The following FAM117A variants were observed in gnomAD, a reference collection of about 807,000 sequenced individuals.
FAM117A encodes family with sequence similarity 117 member A, also known as protein FAM117A.
Under a neutral mutation model 44.1 loss-of-function variants are expected in FAM117A, and 21 were observed. That is an observed-to-expected ratio of 0.48 (90% CI 0.34 to 0.69). The LOEUF (loss-of-function observed/expected upper bound fraction) is 0.69. Among genes scored for constraint, FAM117A ranks in the 30% least tolerant of loss-of-function variants. FAM117A has a pLI of 0.01. For synonymous variants in FAM117A, 220 were observed against 238.3 expected, an observed-to-expected ratio of 0.92 and a Z score of 0.71; for missense variants, 498 against 589.9, an observed-to-expected ratio of 0.84 and a Z score of 1.61.
At chr17:49,728,910 A>G (rs926527270) in intron 2 of FAM117A, among the ~76,000 whole-genome samples, 3 of 152,218 alleles carry the variant, frequency 2.0e-5, no homozygotes, top group African/African-American at 7.2e-5. Context: ...ATCACAAATA[A>G]CATATATCCG....
At chr17:49,756,173 CTTTT>C (rs886378496) in intron 1 of FAM117A, among the ~76,000 whole-genome samples, 2 of 151,528 alleles carry the variant, frequency 1.3e-5, no homozygotes, top group African/African-American at 4.8e-5. Context: ...TATATTGACA[CTTTT>C]TTTTTAAAGC....
At chr17:49,716,025 G>T in intron 7 of FAM117A, 140 bp downstream of exon 7, 1 of 902,330 alleles carries the variant, frequency 1.1e-6, no homozygotes, top group Non-Finnish European at 1.7e-6. Flanking sequence ...ATGTCAACAC[G>T]TTTGATCATG....
rs554532083 is a variant in FAM117A, at chr17:49,727,807, C to CTTGGCACCTG, written c.366+4743_366+4744insCAGGTGCCAA. 3.6e-4 allele frequency among the ~76,000 whole-genome samples: 55 copies of CTTGGCACCTG among 152,344 alleles called. No individual in the cohort carries two copies. In the Middle Eastern group the frequency reaches 0.017, roughly 47 times the overall value. ...GGAAAGTCCTGGCCCTCACTGTCTCCAGTGACCTTGGCACCTGAGTAAGCT... is the reference window on the plus strand; with the variant it reads ...GGAAAGTCCTGGCCCTCACTGTCTCCTTGGCACCTGAGTGACCTTGGCACCTGAGTAAGCT... On this transcript the variant is annotated intron_variant, in intron 2 of 7. Transcript: ENST00000240364.
chr17:49,779,971 C>T (rs1455504282), intron 1 of FAM117A, among the ~76,000 whole-genome samples: 1 of 152,218 alleles, frequency 6.6e-6, no homozygotes, highest in Admixed American at 6.5e-5. Flanking sequence ...TCGTTCTTAA[C>T]TTCTGAGATT....
chr17:49,761,066 G>C (rs1351066263), intron 1 of FAM117A, among the ~76,000 whole-genome samples: 1 of 152,118 alleles, frequency 6.6e-6, no homozygotes, highest in African/African-American at 2.4e-5. Flanking sequence ...CCCTTTTCAC[G>C]AGGTCTAATA....
rs118147445 is a variant in FAM117A at position 49,748,650 on chromosome 17, T to C, written c.196+15242A>G. On this transcript the variant is annotated intron_variant, in intron 1 of 7. Coordinates refer to ENST00000240364, the MANE Select transcript of FAM117A (RefSeq NM_030802.4). ...AAATATTTTGATGACAACTTAACCA[T>C]GGTCAGGATTAATTAAGTCTAAGGT... is the stretch of plus-strand genomic sequence containing the variant. 1.8e-4 allele frequency among the ~76,000 whole-genome samples: 28 copies of C among 152,242 alleles called. No homozygotes were observed. The East Asian group carries it at 5.0e-3, about 27-fold the overall frequency.
At position 49,730,952 on chromosome 17, in the gene FAM117A, GCTGT is replaced by G; in HGVS notation, c.366+1595_366+1598del. 4.6e-5 allele frequency among the ~76,000 whole-genome samples: 7 copies of G among 152,202 alleles called. No individual in the cohort carries two copies. In the South Asian group the frequency reaches 1.5e-3, roughly 32 times the overall value. On this transcript the variant is annotated intron_variant, in intron 2 of 7. Transcript: ENST00000240364. ...ATATTTGGCTCCATCTCATCCCTTG[GCTGT>G]CTGTTTACTGGCCCTCATAGAACTG...
chr17:49,777,504 C>A (rs2073778481), intron 1 of FAM117A, among the ~76,000 whole-genome samples: 1 of 152,110 alleles, frequency 6.6e-6, no homozygotes, highest in South Asian at 2.1e-4. Context: ...AATCCTCAAC[C>A]TTTTCTTTAA....
chr17:49,754,365 C>T (rs1038847138), intron 1 of FAM117A, among the ~76,000 whole-genome samples: 10 of 151,444 alleles, frequency 6.6e-5, no homozygotes, highest in African/African-American at 2.2e-4. Context: ...AGTGTAGTGG[C>T]GCCATCTCGG....
At chr17:49,718,010 C>T (rs1310124376) in intron 5 of FAM117A, 2 of 227,822 alleles carry the variant, frequency 8.8e-6, no homozygotes, top group Admixed American at 5.4e-5. Flanking sequence ...AGACTATAAG[C>T]CTCATGAGGG....
upstream of FAM117A, among the ~76,000 whole-genome samples, chr17:49,768,303 T>C (rs1480824487): frequency 6.6e-6 from 1 of 152,140 alleles, no homozygotes; most frequent in African/African-American, 2.4e-5. Flanking sequence ...CCAGGGCACC[T>C]TGAATTCCAC....
At position 49,762,263 on chromosome 17, in the gene FAM117A, C is replaced by T. The variant is rs558101806; in HGVS notation, c.196+1629G>A. Among the ~76,000 whole-genome samples, 7 of 152,286 alleles carry T rather than the reference C, an allele frequency of 4.6e-5. No individual in the cohort carries two copies. In the South Asian group the frequency reaches 6.2e-4, roughly 14 times the overall value. On this transcript the variant is annotated intron_variant, in intron 1 of 7. Coordinates refer to ENST00000240364, the MANE Select transcript of FAM117A (RefSeq NM_030802.4). Reference sequence around the variant, plus strand: ...TTTCCACTAAAAGTGACTAAGGTTCCGGTTCTTGTTCTACCAACTTCCCGG... The same window carrying T: ...TTTCCACTAAAAGTGACTAAGGTTCTGGTTCTTGTTCTACCAACTTCCCGG...
At chr17:49,780,238 A>G (rs1260849667) in intron 1 of FAM117A, among the ~76,000 whole-genome samples, 1 of 152,186 alleles carries the variant, frequency 6.6e-6, no homozygotes, top group Admixed American at 6.5e-5. Flanking sequence ...CAACAAATAA[A>G]AAGACCCACA....
chr17:49,714,394 G>T (rs920981627), intron 7 of FAM117A, among the ~76,000 whole-genome samples: 1 of 149,444 alleles, frequency 6.7e-6, no homozygotes, highest in African/African-American at 2.5e-5. Context: ...CTGAAGTGTA[G>T]TGGTGCGATC....
At chr17:49,745,854 T>A (rs1444628142) in intron 1 of FAM117A, among the ~76,000 whole-genome samples, 1 of 152,198 alleles carries the variant, frequency 6.6e-6, no homozygotes, top group African/African-American at 2.4e-5. Context: ...AAAGGGGACT[T>A]TGGCTGGGTT....
chr17:49,789,062 C>T, upstream of FAM117A: 1 of 421,800 alleles, frequency 2.4e-6, no homozygotes, highest in Non-Finnish European at 4.3e-6. Context: ...CCTCTGCTTG[C>T]CTGGATCGGA....
At chr17:49,771,679 C>T (rs944997985) in intron 1 of FAM117A, among the ~76,000 whole-genome samples, 2 of 152,190 alleles carry the variant, frequency 1.3e-5, no homozygotes, top group Admixed American at 1.3e-4. Context: ...GTTTCTAGAG[C>T]AGTGCCTTAG....
chr17:49,732,537 G>A lies in FAM117A; in HGVS notation c.366+14C>T, dbSNP rs1488716500. On this transcript the variant is annotated intron_variant, in intron 2 of 7. Coordinates refer to ENST00000240364, the MANE Select transcript of FAM117A (RefSeq NM_030802.4). ...ATCCTTATCCCTTATCCCATCAGGA[G>A]AGAGCTTCATTACCTGGGTGGCCTT... 2.5e-6 allele frequency: 4 copies of A among 1,614,022 alleles called. No homozygotes were observed. The highest frequency in any genetic ancestry group is 3.4e-6 in the Non-Finnish European group (4 of 1,179,930).
chr17:49,737,051 G>A (rs1364850636), intron 1 of FAM117A, among the ~76,000 whole-genome samples: 1 of 152,224 alleles, frequency 6.6e-6, no homozygotes, highest in East Asian at 1.9e-4. Flanking sequence ...TTCTGACTTT[G>A]CATGTGTGTT....
Sources: allele counts gnomAD v4.1 joint callset (sites outside exome capture counted in the v4.1 genomes callset), GRCh38; gene constraint gnomAD v4.1.1; transcripts MANE v1.5; gene names NCBI Gene and HGNC (gene_info 2026-07-23, HGNC 2026-07-21).